Variants in PRSS23 observed in about 807,000 individuals in gnomAD.
PRSS23 encodes protease, serine 23.
A neutral mutation model predicts 34.7 loss-of-function variants in PRSS23; 25 were observed. The observed-to-expected ratio is 0.72, with a 90% CI of 0.53 to 1.01. PRSS23 has a LOEUF of 1.01. PRSS23 is among the 50% of genes least tolerant of loss of function. The pLI, the probability that PRSS23 is intolerant of heterozygous loss-of-function variation, is 0.00. For missense variants in PRSS23, 445 were observed against 475.6 expected (o/e 0.94, Z 0.60); for synonymous variants, 176 against 186.6 (o/e 0.94, Z 0.46).
chr11:86,880,912 A>G (rs1209349600), intron 2 of PRSS23, among the ~76,000 whole-genome samples: 1 of 152,156 alleles, frequency 6.6e-6, no homozygotes, highest in Non-Finnish European at 1.5e-5. Context: ...ACCTTGCAGA[A>G]TTTATTTATT....
intron 1 of PRSS23, among the ~76,000 whole-genome samples, chr11:86,792,463 C>A (rs1262139079): frequency 6.6e-6 from 1 of 152,154 alleles, no homozygotes; most frequent in Non-Finnish European, 1.5e-5. Context: ...CCTGTCTTCA[C>A]CTCCATAAGT....
In PRSS23 at chr11:86,878,713, C is replaced by A. The variant is rs578051248; in HGVS notation, c.206+55120C>A. 5.3e-5 allele frequency among the ~76,000 whole-genome samples: 8 copies of A among 152,076 alleles called. No homozygotes were observed. In the South Asian group the frequency reaches 1.7e-3, roughly 32 times the overall value. The stretch of plus-strand genomic sequence containing the variant: ...GTCTGGGAAGTGAGGAGCGTCTCTG[C>A]CTGGCCGCCCATCGTCTGGGACGTG... On this transcript the variant is annotated intron_variant, in intron 2 of 2. Transcript: ENST00000533902.
intron 2 of PRSS23, among the ~76,000 whole-genome samples, chr11:86,829,812 G>C (rs1461904442): frequency 6.6e-6 from 1 of 152,210 alleles, no homozygotes; most frequent in African/African-American, 2.4e-5. Context: ...GGATTTTCGT[G>C]AACCACGAAT....
intron 2 of PRSS23, among the ~76,000 whole-genome samples, chr11:86,898,083 T>A (rs964727099): frequency 6.6e-6 from 1 of 152,246 alleles, no homozygotes; most frequent in African/African-American, 2.4e-5. Flanking sequence ...TCTGATTTTC[T>A]TATTAGAAAT....
At chr11:86,831,523 G>A (rs554473249) in intron 2 of PRSS23, among the ~76,000 whole-genome samples, 14 of 151,772 alleles carry the variant, frequency 9.2e-5, no homozygotes, top group African/African-American at 2.2e-4. Context: ...GATATTATTC[G>A]TAATAGCCTA....
intron 2 of PRSS23, among the ~76,000 whole-genome samples, chr11:86,853,444 A>T (rs1030488977): frequency 2.0e-5 from 3 of 147,690 alleles, no homozygotes; most frequent in African/African-American, 7.5e-5. Flanking sequence ...TAGTAGAGAC[A>T]GGGTTTCACC....
chr11:86,859,980 G>A lies in PRSS23; in HGVS notation c.206+36387G>A, dbSNP rs575159149. ...AGAGGATAATATTAATTCCAATATC[G>A]CTGGTGGTGTATACCCAACCTGTGA... On this transcript the variant is annotated intron_variant, in intron 2 of 2. Coordinates refer to the PRSS23 transcript ENST00000533902. Among the ~76,000 whole-genome samples, 36 of 151,912 alleles carry A rather than the reference G, an allele frequency of 2.4e-4. 2 individuals are homozygous for A. In the South Asian group the frequency reaches 7.3e-3, roughly 31 times the overall value.
At chr11:86,932,355 G>C (rs1261837908) in intron 2 of PRSS23, among the ~76,000 whole-genome samples, 3 of 152,116 alleles carry the variant, frequency 2.0e-5, no homozygotes, top group Non-Finnish European at 2.9e-5. Flanking sequence ...GGGTTTGAAG[G>C]ATACAGCAAA....
At chr11:86,858,635 C>T (rs1208410263) in intron 2 of PRSS23, among the ~76,000 whole-genome samples, 1 of 151,102 alleles carries the variant, frequency 6.6e-6, no homozygotes, top group Non-Finnish European at 1.5e-5. Flanking sequence ...CCCAATATTG[C>T]AGGGGGTGTA....
intron 2 of PRSS23, among the ~76,000 whole-genome samples, chr11:86,834,250 T>A (rs1948384824): frequency 1.3e-5 from 2 of 152,118 alleles, no homozygotes; most frequent in South Asian, 4.2e-4. Flanking sequence ...AGTGAAAGAT[T>A]TGGTGAAGGG....
In PRSS23 at chr11:86,859,137, T is replaced by G. The variant is rs143147218; in HGVS notation, c.206+35544T>G. Among the ~76,000 whole-genome samples the G allele has an allele frequency of 4.8e-3, 734 of 151,974 alleles. 7 individuals are homozygous for G. The highest frequency in any genetic ancestry group is 0.017 in the African/African-American group (701 of 41,418). ...TAATATCCAAGGGGGAAGAGGATGA[T>G]ATTGCTCCCTATATCAGGGGAAGTG... On this transcript the variant is annotated intron_variant, in intron 2 of 2. Transcript: ENST00000533902.
intron 2 of PRSS23, among the ~76,000 whole-genome samples, chr11:86,853,123 G>C (rs1484611338): frequency 6.6e-6 from 1 of 151,504 alleles, no homozygotes; most frequent in Non-Finnish European, 1.5e-5. Flanking sequence ...CAAAGTACTG[G>C]GGTTACAGGT....
intron 2 of PRSS23, among the ~76,000 whole-genome samples, chr11:86,845,233 G>A (rs1338155122): frequency 6.6e-6 from 1 of 152,136 alleles, no homozygotes; most frequent in Admixed American, 6.6e-5. Flanking sequence ...ATAGACTCTG[G>A]AGAATCAGAA....
chr11:86,893,098 T>A (rs1264712815), intron 2 of PRSS23, among the ~76,000 whole-genome samples: 1 of 152,168 alleles, frequency 6.6e-6, no homozygotes, highest in Non-Finnish European at 1.5e-5. Flanking sequence ...GCTGTGAAGA[T>A]GAAAACAGAG....
chr11:86,951,520 G>C lies in PRSS23; in HGVS notation c.*235G>C. On this transcript the variant is annotated 3_prime_UTR_variant, in exon 3 of 3. Transcript: ENST00000533902. ...GAAGATTTGACCGAATTTTGAACAA[G>C]GCCACCAAACCTGCAGCAATGAACA... 1 of 1,614,066 alleles carries C rather than the reference G, an allele frequency of 6.2e-7. No homozygotes were observed. The highest frequency in any genetic ancestry group is 8.5e-7 in the Non-Finnish European group (1 of 1,180,016).
intron 2 of PRSS23, among the ~76,000 whole-genome samples, chr11:86,919,927 G>C (rs560851437): frequency 1.3e-5 from 2 of 152,288 alleles, no homozygotes; most frequent in East Asian, 1.9e-4. Flanking sequence ...ATTCAGAAAA[G>C]TGCATCCACC....
intron 2 of PRSS23, among the ~76,000 whole-genome samples, chr11:86,907,134 A>T (rs1948948737): frequency 6.6e-6 from 1 of 152,218 alleles, no homozygotes; most frequent in Admixed American, 6.5e-5. Context: ...CTTGCTATTC[A>T]CATAAAACAT....
In PRSS23 at chr11:86,951,920, C is replaced by T. The variant is rs1352958139; in HGVS notation, c.*635C>T. 1.2e-6 allele frequency: 2 copies of T among 1,613,884 alleles called. No homozygotes were observed. The highest frequency in any genetic ancestry group is 3.3e-5 in the Admixed American group (2 of 60,010). ...TGCCTCTTCAAAATCACAGGATATC[C>T]TTTCCCGGCCTACAGTCAGCCTGAC... is the stretch of plus-strand genomic sequence containing the variant. On this transcript the variant is annotated 3_prime_UTR_variant, in exon 3 of 3. Coordinates refer to the PRSS23 transcript ENST00000533902.
chr11:86,951,556 G>T, exon 3 of PRSS23: 1 of 1,614,084 alleles, frequency 6.2e-7, no homozygotes, highest in Non-Finnish European at 8.5e-7. Context: ...AAGTTCCAAT[G>T]ACCAAATAAG....
Sources: gnomAD v4.1 joint callset for allele counts (sites outside exome capture counted in the v4.1 genomes callset) on GRCh38, gnomAD v4.1.1 for gene constraint, MANE v1.5 for transcripts, NCBI Gene and HGNC (gene_info 2026-07-23, HGNC 2026-07-21) for gene names.